CLSTN2: variants seen among roughly 807,000 people sequenced by gnomAD.
The protein encoded by CLSTN2 is calsyntenin-2.
Under a neutral mutation model 101.2 loss-of-function variants are expected in CLSTN2, and 48 were observed. The ratio of observed to expected loss-of-function variants is 0.47; its 90% CI spans 0.38 to 0.60. The LOEUF is 0.60. Among genes scored for constraint, CLSTN2 ranks in the 20% least tolerant of loss-of-function variants. The probability of loss-of-function intolerance (pLI) is 0.00; values close to 1 mark genes in which losing one functional copy is unlikely to be tolerated. For synonymous variants in CLSTN2, 481 were observed against 463.6 expected, an observed-to-expected ratio of 1.04 and a Z score of -0.48; for missense variants, 1,160 against 1,238.2, an observed-to-expected ratio of 0.94 and a Z score of 0.95.
chr3:140,261,075 G>T (rs968221145), intron 2 of CLSTN2, among the ~76,000 whole-genome samples: 2 of 152,030 alleles, frequency 1.3e-5, no homozygotes, highest in African/African-American at 2.4e-5. Context: ...AGGTCTCCTC[G>T]CTATAAAGTT....
At chr3:140,115,358 C>T (rs977022936) in intron 1 of CLSTN2, among the ~76,000 whole-genome samples, 3 of 151,946 alleles carry the variant, frequency 2.0e-5, no homozygotes, top group South Asian at 2.1e-4. Context: ...GATATAAAAT[C>T]GTGAAATACA....
rs558577744 is a variant in CLSTN2, at chr3:140,115,561, G to A, written c.110-60390G>A. Among the ~76,000 whole-genome samples, 5 of 152,264 alleles carry A rather than the reference G, an allele frequency of 3.3e-5. No homozygotes were observed. The South Asian group carries it at 8.3e-4, about 25-fold the overall frequency. On this transcript the variant is annotated intron_variant, in intron 1 of 16. Transcript: ENST00000458420. Reference sequence around the variant, plus strand: ...CTCTGTAAAGGGCAGGGAGAAAAAGGCCCTGCTTCTGATTAGATTTTCTCC... The same window carrying A: ...CTCTGTAAAGGGCAGGGAGAAAAAGACCCTGCTTCTGATTAGATTTTCTCC...
At chr3:140,167,302 C>T (rs543819846) in intron 1 of CLSTN2, among the ~76,000 whole-genome samples, 15 of 152,202 alleles carry the variant, frequency 9.9e-5, no homozygotes, top group Non-Finnish European at 1.8e-4. Flanking sequence ...GGGCCTTTGC[C>T]CATCCACGTT....
chr3:140,155,994 C>T (rs1203173826), intron 1 of CLSTN2, among the ~76,000 whole-genome samples: 2 of 152,110 alleles, frequency 1.3e-5, no homozygotes, highest in Non-Finnish European at 2.9e-5. Context: ...ATTTCCAGCC[C>T]TCCTAGGGGC....
chr3:140,209,602 C>A (rs1391897873), intron 2 of CLSTN2, among the ~76,000 whole-genome samples: 1 of 152,064 alleles, frequency 6.6e-6, no homozygotes, highest in East Asian at 1.9e-4. Context: ...TAGTCAGGAG[C>A]TTTTTAAGGC....
At position 139,974,826 on chromosome 3, in the gene CLSTN2, C is replaced by A. The variant is rs1273769733; in HGVS notation, c.109+39343C>A. Among the ~76,000 whole-genome samples the A allele has an allele frequency of 3.9e-5, 6 of 152,260 alleles. No homozygotes were observed. In the East Asian group the frequency reaches 1.2e-3, roughly 29 times the overall value. ...TGGTAATTTATTCTGGGTAATCAGGCCTGAGGGTTGTTGGCAGACTGGCAG... is the reference window on the plus strand; with the variant it reads ...TGGTAATTTATTCTGGGTAATCAGGACTGAGGGTTGTTGGCAGACTGGCAG... On this transcript the variant is annotated intron_variant, in intron 1 of 16. Coordinates refer to ENST00000458420, the MANE Select transcript of CLSTN2 (RefSeq NM_022131.3).
At chr3:140,159,502 A>G (rs1300344747) in intron 1 of CLSTN2, among the ~76,000 whole-genome samples, 1 of 152,192 alleles carries the variant, frequency 6.6e-6, no homozygotes, top group Admixed American at 6.5e-5. Flanking sequence ...AATGGCTATT[A>G]TAAAAACAAA....
rs116344433 is a variant in CLSTN2, at chr3:140,182,822, A to G, written c.232+6749A>G. Among the ~76,000 whole-genome samples the G allele has an allele frequency of 6.1e-3, 922 of 152,198 alleles. 5 individuals carry two copies. The highest frequency in any genetic ancestry group is 0.019 in the African/African-American group (799 of 41,522). ...TGTCCATGGCATCCTGATTGGAAGG[A>G]GTTTACTGGCAGTAGCTGGGGACCT... On this transcript the variant is annotated intron_variant, in intron 2 of 16. Coordinates refer to ENST00000458420, the MANE Select transcript of CLSTN2 (RefSeq NM_022131.3).
chr3:140,214,620 A>G (rs1289622867), intron 2 of CLSTN2, among the ~76,000 whole-genome samples: 1 of 152,146 alleles, frequency 6.6e-6, no homozygotes, highest in Non-Finnish European at 1.5e-5. Flanking sequence ...TTTCTAACAC[A>G]TCTTCACTAC....
chr3:140,546,576 C>A lies in CLSTN2; in HGVS notation c.1569C>A (p.Thr523=). The part of the protein sequence containing the change: ...QFFHGSLASL[T]IRPGKMESQK... ...TTCATGGAAGCCTGGCCAGTCTCAC[C>A]ATCCGCCCTGGCAAAATGGAAAGCC... The change falls in exon 10 of 17, where the codon ACC becomes ACA. Residue 523 remains threonine, a synonymous_variant. Coordinates refer to ENST00000458420, the MANE Select transcript of CLSTN2 (RefSeq NM_022131.3). 1 of 1,614,140 alleles carries A rather than the reference C, an allele frequency of 6.2e-7. No individual in the cohort carries two copies.
intron 8 of CLSTN2, among the ~76,000 whole-genome samples, chr3:140,502,457 C>A (rs1278190523): frequency 6.6e-6 from 1 of 152,228 alleles, no homozygotes; most frequent in African/African-American, 2.4e-5. Flanking sequence ...GCAGAAGCCA[C>A]CAAGCAGAGG....
At chr3:140,245,625 A>G (rs1352361484) in intron 2 of CLSTN2, among the ~76,000 whole-genome samples, 1 of 150,238 alleles carries the variant, frequency 6.7e-6, no homozygotes, top group Non-Finnish European at 1.5e-5. Context: ...GTATAAACAC[A>G]TTGCCATGCC....
chr3:140,226,993 G>A (rs1027581762), intron 2 of CLSTN2, among the ~76,000 whole-genome samples: 1 of 152,110 alleles, frequency 6.6e-6, no homozygotes, highest in African/African-American at 2.4e-5. Context: ...TGAGATTTGG[G>A]TGGGGACACA....
At chr3:139,967,631 A>T (rs2107817407) in intron 1 of CLSTN2, among the ~76,000 whole-genome samples, 1 of 152,296 alleles carries the variant, frequency 6.6e-6, no homozygotes, top group South Asian at 2.1e-4. Flanking sequence ...CAAGACTATG[A>T]TACCTTTCTG....
intron 1 of CLSTN2, among the ~76,000 whole-genome samples, chr3:140,156,253 C>G (rs1193034325): frequency 6.6e-6 from 1 of 152,144 alleles, no homozygotes; most frequent in Non-Finnish European, 1.5e-5. Flanking sequence ...TGCCATGGGT[C>G]TGAAAGGAGG....
At chr3:140,003,626 T>G (rs1269876565) in intron 1 of CLSTN2, among the ~76,000 whole-genome samples, 1 of 152,166 alleles carries the variant, frequency 6.6e-6, no homozygotes, top group Non-Finnish European at 1.5e-5. Flanking sequence ...GAGGAAAGGC[T>G]GTTTTTTTTT....
intron 1 of CLSTN2, among the ~76,000 whole-genome samples, chr3:140,167,816 T>C (rs987562239): frequency 2.0e-5 from 3 of 152,218 alleles, no homozygotes; most frequent in African/African-American, 7.2e-5. Context: ...GTCTTTTTTG[T>C]CTGACTTATT....
At chr3:140,100,977 C>T (rs1002301638) in intron 1 of CLSTN2, among the ~76,000 whole-genome samples, 7 of 152,110 alleles carry the variant, frequency 4.6e-5, no homozygotes, top group Non-Finnish European at 8.8e-5. Flanking sequence ...TCACTACAGG[C>T]CTGTGTGCAA....
At chr3:140,362,478 AC>A (rs1166717193) in intron 2 of CLSTN2, among the ~76,000 whole-genome samples, 1 of 152,224 alleles carries the variant, frequency 6.6e-6, no homozygotes, top group Non-Finnish European at 1.5e-5. Context: ...AAAATTTTAA[AC>A]TTTTGTGCTT....
Sources: gnomAD v4.1 joint callset for allele counts (sites outside exome capture counted in the v4.1 genomes callset) on GRCh38, gnomAD v4.1.1 for gene constraint, MANE v1.5 for transcripts, NCBI Gene and HGNC (gene_info 2026-07-23, HGNC 2026-07-21) for gene names.